Variants in CD44 observed in about 807,000 individuals in gnomAD.
CD44 encodes CD44 antigen.
A neutral mutation model predicts 88.8 loss-of-function variants in CD44; 49 were observed. The ratio of observed to expected loss-of-function variants is 0.55; its 90% CI spans 0.44 to 0.70. The LOEUF (loss-of-function observed/expected upper bound fraction) is 0.70. Ranked by LOEUF, CD44 falls within the 30% of genes least tolerant of loss-of-function variation. CD44 has a pLI of 0.00. For synonymous variants in CD44, 325 were observed against 312.3 expected, an observed-to-expected ratio of 1.04 and a Z score of -0.43; for missense variants, 883 against 913.8, an observed-to-expected ratio of 0.97 and a Z score of 0.43.
intron 7 of CD44, among the ~76,000 whole-genome samples, chr11:35,198,966 T>TAAA (rs1408675513): frequency 1.4e-5 from 1 of 69,624 alleles, no homozygotes. Flanking sequence ...AGACTCCATC[T>TAAA]CAAAAAAAAA....
At chr11:35,196,921 T>G in intron 6 of CD44, 47 bp downstream of exon 6, 1 of 1,585,486 alleles carries the variant, frequency 6.3e-7, no homozygotes. Context: ...TTGACAGCCT[T>G]GAATAATTTT....
chr11:35,183,696 AT>A (rs1319463128), intron 3 of CD44, among the ~76,000 whole-genome samples: 1 of 151,926 alleles, frequency 6.6e-6, no homozygotes, highest in Non-Finnish European at 1.5e-5. Flanking sequence ...GGCCTTTGTG[AT>A]TTTTTTTCCC....
intron 5 of CD44, among the ~76,000 whole-genome samples, chr11:35,195,052 C>T (rs1946604151): frequency 2.6e-5 from 4 of 152,202 alleles, no homozygotes; most frequent in Admixed American, 6.5e-5. Context: ...TGACCTGTTG[C>T]TCCATATCAG....
Position 35,211,438 on chromosome 11 carries a change from G to A in CD44, c.1799G>A (p.Arg600His), listed in dbSNP as rs146578989. Residue 600 changes from arginine to histidine, a missense_variant, in exon 14 of 18, where the codon CGT (arginine) becomes CAT (histidine). Coordinates refer to ENST00000428726, the MANE Select transcript of CD44 (RefSeq NM_000610.4). ...GGAGATTCCAACTCTAATGTCAATC[G>A]TTCCTTATCAGGTAATTTGGCATTT... ...TVGDSNSNVNRSLSGDQDTFH... is the reference protein window; with the variant it reads ...TVGDSNSNVNHSLSGDQDTFH... The A allele has an allele frequency of 1.0e-4, 163 of 1,612,780 alleles. No homozygotes were observed. In the African/African-American group the frequency reaches 1.3e-3, roughly 13 times the overall value.
intron 17 of CD44, chr11:35,222,645 A>G: frequency 1.2e-6 from 1 of 808,492 alleles, no homozygotes; most frequent in Non-Finnish European, 1.5e-6. Context: ...CACAATAGTA[A>G]TTCTAGCAAC....
At chr11:35,157,566 A>G (rs569856887) in intron 1 of CD44, among the ~76,000 whole-genome samples, 2 of 152,114 alleles carry the variant, frequency 1.3e-5, no homozygotes, top group South Asian at 2.1e-4. Flanking sequence ...ATCTGTTTCT[A>G]TTGGAATAAG....
chr11:35,149,286 C>G (rs2133125648), intron 1 of CD44, among the ~76,000 whole-genome samples: 1 of 152,266 alleles, frequency 6.6e-6, no homozygotes, highest in Non-Finnish European at 1.5e-5. Context: ...AAAATCACCT[C>G]CATATAATCA....
chr11:35,208,254 C>T, intron 12 of CD44, 48 bp downstream of exon 12: 1 of 1,245,046 alleles, frequency 8.0e-7, no homozygotes, highest in East Asian at 2.3e-5. Context: ...ATTCCTGCTT[C>T]ATCTCTTACT....
chr11:35,162,464 A>G (rs1357713313), intron 1 of CD44, among the ~76,000 whole-genome samples: 2 of 152,204 alleles, frequency 1.3e-5, no homozygotes, highest in African/African-American at 2.4e-5. Flanking sequence ...TGCTCCTTAA[A>G]AGAAGGAAGT....
At chr11:35,157,248 A>T (rs1307422157) in intron 1 of CD44, among the ~76,000 whole-genome samples, 1 of 152,064 alleles carries the variant, frequency 6.6e-6, no homozygotes, top group East Asian at 1.9e-4. Flanking sequence ...ACCATGGTGG[A>T]TGCATCCTGT....
chr11:35,142,156 C>T (rs1255901770), intron 1 of CD44, among the ~76,000 whole-genome samples: 1 of 151,740 alleles, frequency 6.6e-6, no homozygotes, highest in African/African-American at 2.4e-5. Flanking sequence ...ACATGCATCT[C>T]CTTGTCTCTG....
At chr11:35,167,190 T>C (rs1943384212) in intron 1 of CD44, among the ~76,000 whole-genome samples, 1 of 152,166 alleles carries the variant, frequency 6.6e-6, no homozygotes, top group African/African-American at 2.4e-5. Flanking sequence ...TTATGAAAGA[T>C]AGATCAGTAG....
At chr11:35,176,815 C>T in intron 2 of CD44, 75 bp downstream of exon 2, 1 of 1,406,000 alleles carries the variant, frequency 7.1e-7, no homozygotes, top group Non-Finnish European at 9.8e-7. Flanking sequence ...AACTGGAAGG[C>T]TCCTTTCCCA....
chr11:35,196,948 G>A (rs2133981433), intron 6 of CD44, 74 bp downstream of exon 6: 2 of 1,496,578 alleles, frequency 1.3e-6, no homozygotes, highest in Admixed American at 1.9e-5. Context: ...CCTCTGGGAT[G>A]TTATTAAAGC....
chr11:35,219,297 ATGT>A lies in CD44; in HGVS notation c.1874-14_1874-12del, dbSNP rs771964635. The A allele has an allele frequency of 3.1e-6, 5 of 1,603,926 alleles. No homozygotes were observed. The highest frequency in any genetic ancestry group is 4.5e-5 in the East Asian group (2 of 44,774). ...ACACATTTCAAACTTTGGTTGAGAG[ATGT>A]TGTTTTTCCCCTTAGGACACTCACA... is the stretch of plus-strand genomic sequence containing the variant. On this transcript the variant is annotated splice_polypyrimidine_tract_variant and intron_variant, in intron 15 of 17. Coordinates refer to ENST00000428726, the MANE Select transcript of CD44 (RefSeq NM_000610.4).
intron 1 of CD44, among the ~76,000 whole-genome samples, chr11:35,157,329 AT>A (rs1565024537): frequency 1.4e-5 from 2 of 142,402 alleles, no homozygotes; most frequent in African/African-American, 5.4e-5. Flanking sequence ...CTGTCTATCT[AT>A]CTATCTATCT....
chr11:35,200,100 ACTTTTTCAGGC>A (rs2134027285), intron 7 of CD44, among the ~76,000 whole-genome samples: 1 of 151,830 alleles, frequency 6.6e-6, no homozygotes, highest in South Asian at 2.1e-4. Context: ...GATAATAAGC[ACTTTTTCAGGC>A]CTATTGAGAA....
rs1591371637 is a variant in CD44 at position 35,228,982 on chromosome 11, T to C, written c.2025-147T>C. ...AAGTGCTGGTTGTTAGTTGTTAAAG[T>C]AGAGAAAACCCCTAGCACAGTGCTT... On this transcript the variant is annotated intron_variant, in intron 17 of 17. Coordinates refer to ENST00000428726, the MANE Select transcript of CD44 (RefSeq NM_000610.4). 7 of 647,996 alleles carry C rather than the reference T, an allele frequency of 1.1e-5. No homozygotes were observed. In the East Asian group the frequency reaches 1.9e-4, roughly 18 times the overall value. The allele number at this position is 647,996 out of a possible 1,614,324, so 40.1% of individuals were successfully genotyped here.
At chr11:35,177,281 T>C (rs574338565) in intron 2 of CD44, among the ~76,000 whole-genome samples, 1 of 152,206 alleles carries the variant, frequency 6.6e-6, no homozygotes, top group Admixed American at 6.5e-5. Context: ...ATATTATTTT[T>C]GGGAGCCCTG....
Sources: allele counts gnomAD v4.1 joint callset (sites outside exome capture counted in the v4.1 genomes callset), GRCh38; gene constraint gnomAD v4.1.1; transcripts MANE v1.5; gene names NCBI Gene and HGNC (gene_info 2026-07-23, HGNC 2026-07-21).